ARHGAP42: variants seen among roughly 807,000 people sequenced by gnomAD.
ARHGAP42 encodes the protein rho GTPase-activating protein 42.
A neutral mutation model predicts 125.0 loss-of-function variants in ARHGAP42; 63 were observed. That is an observed-to-expected ratio of 0.50 (90% confidence interval 0.41 to 0.62). The LOEUF is 0.62. Ranked by LOEUF, ARHGAP42 falls within the 20% of genes least tolerant of loss-of-function variation. The pLI is 0.00. For synonymous variants in ARHGAP42, 339 were observed against 351.0 expected (o/e 0.97, Z 0.38); for missense variants, 766 against 1,024.2 (o/e 0.75, Z 3.44).
intron 4 of ARHGAP42, among the ~76,000 whole-genome samples, chr11:100,906,458 A>G (rs1166857301): frequency 2.0e-5 from 3 of 151,980 alleles, no homozygotes; most frequent in Non-Finnish European, 4.4e-5. Context: ...CCATTTTCTT[A>G]TGGGTTGCTT....
chr11:100,738,040 CTT>C (rs928095706), intron 1 of ARHGAP42, among the ~76,000 whole-genome samples: 3 of 152,128 alleles, frequency 2.0e-5, no homozygotes, highest in South Asian at 2.1e-4. Context: ...CAAAAGAAGA[CTT>C]TATTTCTGTA....
intron 2 of ARHGAP42, among the ~76,000 whole-genome samples, chr11:100,774,024 T>C (rs1212785316): frequency 2.6e-5 from 4 of 152,190 alleles, no homozygotes; most frequent in African/African-American, 9.7e-5. Context: ...TATAAAATAT[T>C]TCTGGAACAA....
chr11:100,755,468 G>A (rs765963509), intron 1 of ARHGAP42, among the ~76,000 whole-genome samples: 73 of 152,126 alleles, frequency 4.8e-4, no homozygotes, highest in Admixed American at 8.5e-4. Flanking sequence ...ATGAGTTTTC[G>A]TCCTGAAAAT....
At chr11:100,968,756 C>G (rs1858162994) in intron 17 of ARHGAP42, among the ~76,000 whole-genome samples, 1 of 152,020 alleles carries the variant, frequency 6.6e-6, no homozygotes. Context: ...TTGCTTTATG[C>G]TTTTCATTTG....
chr11:100,907,105 A>G (rs1866758654), intron 4 of ARHGAP42, among the ~76,000 whole-genome samples: 2 of 152,214 alleles, frequency 1.3e-5, no homozygotes, highest in Non-Finnish European at 2.9e-5. Context: ...CATCAGTAGT[A>G]CCTAAGGGTT....
chr11:100,950,874 ATTTAT>A (rs965913953), intron 12 of ARHGAP42, among the ~76,000 whole-genome samples: 3 of 151,782 alleles, frequency 2.0e-5, no homozygotes, highest in Admixed American at 1.3e-4. Context: ...TACTTTTCTT[ATTTAT>A]TTTATTTTTA....
chr11:100,809,744 C>T (rs1191262620), intron 3 of ARHGAP42, among the ~76,000 whole-genome samples: 1 of 152,080 alleles, frequency 6.6e-6, no homozygotes, highest in Non-Finnish European at 1.5e-5. Context: ...CGCATGAGCC[C>T]AGAAGTTTGA....
intron 1 of ARHGAP42, among the ~76,000 whole-genome samples, chr11:100,758,716 T>A (rs61892352): frequency 0.26 from 39,189 of 152,106 alleles, 5,294 homozygotes; most frequent in Non-Finnish European, 0.29. Flanking sequence ...TGTGATGAAC[T>A]CTACATGCAT....
chr11:100,769,809 C>A (rs1156857760), intron 1 of ARHGAP42, among the ~76,000 whole-genome samples: 1 of 139,204 alleles, frequency 7.2e-6, no homozygotes, highest in African/African-American at 2.7e-5. Flanking sequence ...ACAACATACA[C>A]TGGGGCCTGT....
chr11:100,765,212 T>C (rs2134980243), intron 1 of ARHGAP42, among the ~76,000 whole-genome samples: 1 of 152,276 alleles, frequency 6.6e-6, no homozygotes, highest in Admixed American at 6.5e-5. Flanking sequence ...ATTCTAGACA[T>C]ATTGTTTTAG....
chr11:100,769,442 A>T (rs938750345), intron 1 of ARHGAP42, among the ~76,000 whole-genome samples: 4 of 152,142 alleles, frequency 2.6e-5, no homozygotes, highest in African/African-American at 9.7e-5. Flanking sequence ...TTTTCAGCCC[A>T]TAAATAAAGA....
chr11:100,942,649 G>A (rs762992178), intron 9 of ARHGAP42, among the ~76,000 whole-genome samples: 1 of 152,018 alleles, frequency 6.6e-6, no homozygotes. Flanking sequence ...TAAGTGCCTC[G>A]CCCAATTAGT....
intron 5 of ARHGAP42, among the ~76,000 whole-genome samples, chr11:100,920,869 A>G (rs1000751245): frequency 6.6e-6 from 1 of 151,962 alleles, no homozygotes; most frequent in Non-Finnish European, 1.5e-5. Context: ...ATCTTACCTA[A>G]TGAGGTGGCT....
intron 2 of ARHGAP42, among the ~76,000 whole-genome samples, chr11:100,776,694 C>G (rs1355846118): frequency 6.6e-6 from 1 of 152,012 alleles, no homozygotes; most frequent in Non-Finnish European, 1.5e-5. Flanking sequence ...TAGTTAGCAT[C>G]GGCCGGGCAC....
At chr11:100,983,503 C>T (rs1215904938) in intron 22 of ARHGAP42, among the ~76,000 whole-genome samples, 3 of 152,148 alleles carry the variant, frequency 2.0e-5, no homozygotes, top group African/African-American at 7.2e-5. Context: ...GTGATAAACA[C>T]ACAGAAAAGG....
intron 1 of ARHGAP42, among the ~76,000 whole-genome samples, chr11:100,763,865 T>G (rs1276644688): frequency 6.6e-6 from 1 of 152,218 alleles, no homozygotes; most frequent in Admixed American, 6.5e-5. Flanking sequence ...ATGTTCAGCA[T>G]AGCTAGCTAG....
intron 22 of ARHGAP42, among the ~76,000 whole-genome samples, chr11:100,982,365 A>C (rs1025329846): frequency 6.6e-6 from 1 of 152,188 alleles, no homozygotes; most frequent in Non-Finnish European, 1.5e-5. Flanking sequence ...TATAAACCAC[A>C]ATGTCCAAGA....
intron 9 of ARHGAP42, among the ~76,000 whole-genome samples, chr11:100,942,533 T>G (rs10501968): frequency 0.15 from 22,719 of 152,136 alleles, 1,954 homozygotes; most frequent in East Asian, 0.25. Flanking sequence ...GATTGAACTT[T>G]TGAATTAATT....
At chr11:100,984,438 G>A (rs929914332) in intron 22 of ARHGAP42, among the ~76,000 whole-genome samples, 19 of 150,672 alleles carry the variant, frequency 1.3e-4, no homozygotes, top group Admixed American at 4.6e-4. Context: ...TTCTACCTCC[G>A]TGCACTCCTA....
Sources: gnomAD v4.1 joint callset for allele counts (sites outside exome capture counted in the v4.1 genomes callset) on GRCh38, gnomAD v4.1.1 for gene constraint, MANE v1.5 for transcripts, NCBI Gene and HGNC (gene_info 2026-07-23, HGNC 2026-07-21) for gene names.